Variants in PTPRD observed in about 807,000 individuals in gnomAD.
PTPRD encodes protein tyrosine phosphatase receptor type D.
In PTPRD, 34 loss-of-function variants were observed where a neutral mutation model predicts 214.5. That is an observed-to-expected ratio of 0.16 (90% CI 0.12 to 0.21). The LOEUF is 0.21. PTPRD is among the 10% of genes least tolerant of loss of function. The pLI is 1.00. For missense variants in PTPRD, 2,545 were observed against 2,398.7 expected, an observed-to-expected ratio of 1.06 and a Z score of -1.27; for synonymous variants, 1,128 against 845.7, an observed-to-expected ratio of 1.33 and a Z score of -5.79.
At chr9:10,012,663 ATTCCT>A (rs2096625959) in intron 4 of PTPRD, among the ~76,000 whole-genome samples, 1 of 151,966 alleles carries the variant, frequency 6.6e-6, no homozygotes, top group Non-Finnish European at 1.5e-5. Context: ...GAACATGATA[ATTCCT>A]CAGTGTAAGG....
chr9:9,696,561 C>T (rs911856906), intron 7 of PTPRD, among the ~76,000 whole-genome samples: 18 of 152,078 alleles, frequency 1.2e-4, no homozygotes, highest in African/African-American at 4.3e-4. Context: ...TAGTGTCCTC[C>T]TTTGCCTATT....
chr9:8,366,817 AATATC>A (rs1310304396), intron 39 of PTPRD, among the ~76,000 whole-genome samples: 64 of 152,368 alleles, frequency 4.2e-4, no homozygotes, highest in Admixed American at 3.3e-3. Flanking sequence ...CAATGTGACT[AATATC>A]ATAGCACAAA....
At chr9:8,331,378 T>G (rs1840767390) in intron 44 of PTPRD, among the ~76,000 whole-genome samples, 1 of 150,252 alleles carries the variant, frequency 6.7e-6, no homozygotes, top group African/African-American at 2.5e-5. Context: ...GGGATAAACA[T>G]TTTTTTGGGG....
At chr9:10,047,312 CTGTGTG>C (rs56257525) in intron 3 of PTPRD, among the ~76,000 whole-genome samples, 61 of 138,808 alleles carry the variant, frequency 4.4e-4, no homozygotes, top group Admixed American at 1.4e-3. Context: ...AATCAACTAA[CTGTGTG>C]TGTGTGTGTG....
intron 3 of PTPRD, among the ~76,000 whole-genome samples, chr9:10,275,353 A>G (rs2094619919): frequency 6.6e-6 from 1 of 152,116 alleles, no homozygotes. Flanking sequence ...CAAGATCTAA[A>G]CCTTTAGATA....
intron 7 of PTPRD, among the ~76,000 whole-genome samples, chr9:9,619,182 C>G (rs1339176362): frequency 6.6e-6 from 1 of 152,084 alleles, no homozygotes; most frequent in Non-Finnish European, 1.5e-5. Flanking sequence ...TCTTTCAAGA[C>G]ACTTGACTAT....
chr9:8,581,829 G>A (rs12236716), intron 14 of PTPRD, among the ~76,000 whole-genome samples: 3 of 143,144 alleles, frequency 2.1e-5, no homozygotes, highest in East Asian at 2.1e-4. Flanking sequence ...GGTGGCTCAC[G>A]CCTGTAATCC....
chr9:9,294,605 T>C (rs1952364671), intron 9 of PTPRD, among the ~76,000 whole-genome samples: 1 of 151,688 alleles, frequency 6.6e-6, no homozygotes, highest in Non-Finnish European at 1.5e-5. Context: ...TATTTCTCTA[T>C]GTCTGTGCAC....
chr9:9,433,656 A>G (rs2084075418), intron 8 of PTPRD, among the ~76,000 whole-genome samples: 2 of 152,182 alleles, frequency 1.3e-5, no homozygotes, highest in Admixed American at 1.3e-4. Flanking sequence ...AGTCACAATG[A>G]TACTTCACAA....
chr9:9,777,044 T>C (rs1597484948), intron 5 of PTPRD, among the ~76,000 whole-genome samples: 1 of 152,206 alleles, frequency 6.6e-6, no homozygotes, highest in African/African-American at 2.4e-5. Flanking sequence ...AGTTGTTTTA[T>C]AAACACATAG....
intron 2 of PTPRD, among the ~76,000 whole-genome samples, chr9:10,404,014 G>A (rs541296796): frequency 1.3e-5 from 2 of 151,798 alleles, no homozygotes; most frequent in South Asian, 2.1e-4. Context: ...TGATAGTGAT[G>A]TATCATGTAG....
chr9:8,443,022 G>C (rs1388083597), intron 34 of PTPRD, among the ~76,000 whole-genome samples: 1 of 152,208 alleles, frequency 6.6e-6, no homozygotes, highest in African/African-American at 2.4e-5. Flanking sequence ...GCACATGCCT[G>C]TGGTCCCAGC....
intron 7 of PTPRD, among the ~76,000 whole-genome samples, chr9:9,652,373 T>C (rs541828408): frequency 1.3e-5 from 2 of 152,324 alleles, no homozygotes; most frequent in South Asian, 4.1e-4. Flanking sequence ...TATGTAATTA[T>C]GTGTCCTTTT....
chr9:9,677,431 C>T (rs141475469), intron 7 of PTPRD, among the ~76,000 whole-genome samples: 114 of 152,174 alleles, frequency 7.5e-4, no homozygotes, highest in African/African-American at 2.5e-3. Context: ...AATCAATAAA[C>T]GTTTTCCAGC....
chr9:8,321,487 GTA>G (rs750825729), intron 44 of PTPRD, among the ~76,000 whole-genome samples: 3,118 of 44,192 alleles, frequency 0.071, 79 homozygotes, highest in Non-Finnish European at 0.092. Flanking sequence ...GTGTGTGTGT[GTA>G]TATATATATA....
chr9:9,809,541 G>A (rs1446103385), intron 5 of PTPRD, among the ~76,000 whole-genome samples: 1 of 152,148 alleles, frequency 6.6e-6, no homozygotes, highest in African/African-American at 2.4e-5. Flanking sequence ...TGGGATTACA[G>A]GCGTGAGCCA....
At chr9:8,847,571 AT>A (rs1328342958) in intron 11 of PTPRD, among the ~76,000 whole-genome samples, 2 of 152,156 alleles carry the variant, frequency 1.3e-5, no homozygotes, top group Non-Finnish European at 2.9e-5. Context: ...ATGTAACTTT[AT>A]TTTATGTATC....
At chr9:10,053,493 G>T (rs2097569676) in intron 3 of PTPRD, among the ~76,000 whole-genome samples, 1 of 152,078 alleles carries the variant, frequency 6.6e-6, no homozygotes, top group South Asian at 2.1e-4. Context: ...AGAAGAAAAA[G>T]CTATGGATCT....
rs182787863 is a variant in PTPRD at position 9,945,144 on chromosome 9, T to C, written c.-471-6534A>G. 2.2e-3 allele frequency among the ~76,000 whole-genome samples: 330 copies of C among 152,236 alleles called. 3 individuals carry two copies. Among genetic ancestry groups the C allele is most frequent in the Non-Finnish European group, 4.7e-4 (32 of 68,014 alleles). On this transcript the variant is annotated intron_variant, in intron 4 of 45. Coordinates refer to ENST00000381196, the MANE Select transcript of PTPRD (RefSeq NM_002839.4). ...AGAGGTTACCATTTTTCAGTTAAAG[T>C]TGATTACCAAGATAGTGGCTTGGAT...
Sources: allele counts gnomAD v4.1 joint callset (sites outside exome capture counted in the v4.1 genomes callset), GRCh38; gene constraint gnomAD v4.1.1; transcripts MANE v1.5; gene names NCBI Gene and HGNC (gene_info 2026-07-23, HGNC 2026-07-21).